Variants in PPIH observed in about 807,000 individuals in gnomAD.
PPIH encodes the protein peptidyl-prolyl cis-trans isomerase H.
In PPIH, 16 loss-of-function variants were observed where a neutral mutation model predicts 27.6. The observed-to-expected ratio is 0.58, with a 90% confidence interval of 0.39 to 0.88. The LOEUF is 0.88. Among genes scored for constraint, PPIH ranks in the 40% least tolerant of loss-of-function variants. The pLI is 0.00. For synonymous variants in PPIH, 63 were observed against 76.1 expected, an observed-to-expected ratio of 0.83 and a Z score of 0.90; for missense variants, 155 against 224.1, an observed-to-expected ratio of 0.69 and a Z score of 1.97.
At chr1:42,674,309 G>A (rs1174047447) in intron 9 of PPIH, among the ~76,000 whole-genome samples, 1 of 152,224 alleles carries the variant, frequency 6.6e-6, no homozygotes, top group Non-Finnish European at 1.5e-5. Context: ...TCCAGGCAGA[G>A]GGAACAGCCT....
intron 9 of PPIH, among the ~76,000 whole-genome samples, 167 bp from the exon 10 acceptor site, chr1:42,676,417 G>A (rs546313327): frequency 4.9e-4 from 74 of 151,980 alleles, no homozygotes; most frequent in African/African-American, 1.5e-3. Flanking sequence ...GCAGTGAGCC[G>A]AGATCGCGCC....
chr1:42,666,928 A>G (rs1413108218), intron 8 of PPIH, among the ~76,000 whole-genome samples: 1 of 152,120 alleles, frequency 6.6e-6, no homozygotes, highest in Non-Finnish European at 1.5e-5. Flanking sequence ...TAAATCTGCC[A>G]TGCATGTCCC....
At chr1:42,668,096 G>A (rs1649439377) in intron 9 of PPIH, among the ~76,000 whole-genome samples, 1 of 152,216 alleles carries the variant, frequency 6.6e-6, no homozygotes, top group African/African-American at 2.4e-5. Flanking sequence ...AGTAATATGA[G>A]TGACATTGCC....
chr1:42,658,568 G>A, intron 1 of PPIH, 56 bp downstream of exon 1: 4 of 1,563,306 alleles, frequency 2.6e-6, no homozygotes. Context: ...TCGGGGCTAG[G>A]CAGGCAGAAC....
intron 6 of PPIH, among the ~76,000 whole-genome samples, chr1:42,665,308 G>A (rs374625346): frequency 3.9e-5 from 6 of 152,300 alleles, no homozygotes; most frequent in African/African-American, 1.4e-4. Flanking sequence ...GGGAGGCTGA[G>A]GCAGGAGAAT....
At chr1:42,666,639 T>G (rs779594118) in intron 8 of PPIH, 52 bp downstream of exon 8, 30 of 1,567,320 alleles carry the variant, frequency 1.9e-5, no homozygotes, top group Non-Finnish European at 2.5e-5. Flanking sequence ...TCTGGTACTG[T>G]CTGACTAGCG....
intron 6 of PPIH, among the ~76,000 whole-genome samples, chr1:42,665,164 G>A (rs1182898998): frequency 1.3e-5 from 2 of 152,172 alleles, no homozygotes; most frequent in Non-Finnish European, 2.9e-5. Flanking sequence ...AGCACTTTGG[G>A]AGGCTGAGGC....
At chr1:42,673,583 G>A (rs1171634123) in intron 9 of PPIH, among the ~76,000 whole-genome samples, 1 of 152,272 alleles carries the variant, frequency 6.6e-6, no homozygotes, top group African/African-American at 2.4e-5. Context: ...TTAAACCTAC[G>A]AATTCCTAGA....
chr1:42,672,313 G>A (rs909974505), intron 9 of PPIH, among the ~76,000 whole-genome samples: 1 of 152,064 alleles, frequency 6.6e-6, no homozygotes, highest in Non-Finnish European at 1.5e-5. Flanking sequence ...AGGTGATGCT[G>A]ATGCAGACTG....
At chr1:42,663,460 G>C (rs891552576) in intron 5 of PPIH, among the ~76,000 whole-genome samples, 1 of 151,898 alleles carries the variant, frequency 6.6e-6, no homozygotes, top group Non-Finnish European at 1.5e-5. Context: ...GCAGTGGTGC[G>C]ATCTTGGCTT....
intron 9 of PPIH, among the ~76,000 whole-genome samples, chr1:42,676,168 T>C (rs369538484): frequency 2.8e-4 from 43 of 151,930 alleles, no homozygotes; most frequent in African/African-American, 9.4e-4. Flanking sequence ...GGATTAGGAG[T>C]GTAGAGAATA....
intron 4 of PPIH, 65 bp downstream of exon 4, chr1:42,659,631 A>C (rs548763888): frequency 2.0e-5 from 31 of 1,556,084 alleles, no homozygotes; most frequent in Non-Finnish European, 2.7e-5. Context: ...TAGGCTCTTT[A>C]GAGGAAAATA....
chr1:42,677,597 G>A (rs1352839237), downstream of PPIH, among the ~76,000 whole-genome samples: 1 of 152,186 alleles, frequency 6.6e-6, no homozygotes, highest in Admixed American at 6.5e-5. Flanking sequence ...TCACTTCAGC[G>A]TGCAGAAGTT....
intron 5 of PPIH, among the ~76,000 whole-genome samples, chr1:42,663,582 T>G (rs1328978317): frequency 6.6e-6 from 1 of 152,038 alleles, no homozygotes; most frequent in African/African-American, 2.4e-5. Flanking sequence ...GTATTTTTAG[T>G]AGAGATGGGG....
At chr1:42,659,459 G>A (rs771270852) in intron 3 of PPIH, 63 bp from the exon 4 acceptor site, 1 of 1,614,114 alleles carries the variant, frequency 6.2e-7, no homozygotes, top group South Asian at 1.1e-5. Flanking sequence ...TCCAGTGCAT[G>A]GTAAACTGGA....
chr1:42,678,159 T>G (rs138795118), downstream of PPIH, among the ~76,000 whole-genome samples: 69 of 152,208 alleles, frequency 4.5e-4, 1 homozygote, highest in African/African-American at 1.6e-3. Flanking sequence ...AGTAACTATA[T>G]AGGGTGGGAT....
At chr1:42,658,972 T>G in intron 2 of PPIH, 64 bp downstream of exon 2, 1 of 1,538,948 alleles carries the variant, frequency 6.5e-7, no homozygotes, top group Non-Finnish European at 9.0e-7. Flanking sequence ...GTCAGCCGCC[T>G]GAAATAGCCT....
At chr1:42,660,456 G>A (rs1177063377) in intron 4 of PPIH, among the ~76,000 whole-genome samples, 1 of 152,070 alleles carries the variant, frequency 6.6e-6, no homozygotes, top group East Asian at 1.9e-4. Context: ...TTGAGACAGA[G>A]TCCCACTCTG....
downstream of PPIH, among the ~76,000 whole-genome samples, chr1:42,679,527 C>T (rs761854680): frequency 6.6e-6 from 1 of 152,114 alleles, no homozygotes; most frequent in Non-Finnish European, 1.5e-5. Context: ...TCACTGAGCA[C>T]GAAGAGAGCT....
Sources: gnomAD v4.1 joint callset for allele counts (sites outside exome capture counted in the v4.1 genomes callset) on GRCh38, gnomAD v4.1.1 for gene constraint, MANE v1.5 for transcripts, NCBI Gene and HGNC (gene_info 2026-07-23, HGNC 2026-07-21) for gene names.